Variants in ZNF804A observed in about 807,000 individuals in gnomAD.
ZNF804A encodes the protein zinc finger protein 804A.
In ZNF804A, 2 loss-of-function variants were observed where a neutral mutation model predicts 16.5. The observed-to-expected ratio is 0.12, with a 90% confidence interval of 0.05 to 0.38. The LOEUF (loss-of-function observed/expected upper bound fraction) is 0.38. ZNF804A is among the 10% of genes least tolerant of loss of function. The probability of loss-of-function intolerance (pLI) is 0.99; values close to 1 mark genes in which losing one functional copy is unlikely to be tolerated. For synonymous variants in ZNF804A, 534 were observed against 489.6 expected (o/e 1.09, Z -1.20); for missense variants, 1,473 against 1,390.7 (o/e 1.06, Z -0.94).
chr2:184,766,205 T>C (rs187190764), intron 1 of ZNF804A, among the ~76,000 whole-genome samples: 180 of 152,280 alleles, frequency 1.2e-3, no homozygotes, highest in Middle Eastern at 3.4e-3. Context: ...AATTAATTCA[T>C]TGCTAAATTA....
At chr2:184,621,589 G>A (rs1047552546) in intron 1 of ZNF804A, among the ~76,000 whole-genome samples, 5 of 151,632 alleles carry the variant, frequency 3.3e-5, no homozygotes, top group Admixed American at 6.6e-5. Context: ...CTATGTAGCT[G>A]ATACTCTACT....
At chr2:184,720,675 A>T (rs188724144) in intron 1 of ZNF804A, among the ~76,000 whole-genome samples, 5 of 152,256 alleles carry the variant, frequency 3.3e-5, no homozygotes, top group Admixed American at 6.5e-5. Flanking sequence ...TAAAATGACG[A>T]TACTACCCAA....
In ZNF804A at chr2:184,866,374, T is replaced by C; in HGVS notation, c.117T>C (p.Tyr39=). The C allele has an allele frequency of 6.2e-7, 1 of 1,613,132 alleles. No homozygotes were observed. The highest frequency in any genetic ancestry group is 8.5e-7 in the Non-Finnish European group (1 of 1,179,498). Residue 39 remains tyrosine (Y), a synonymous_variant, in exon 2 of 4, where the codon TAT becomes TAC. Transcript: ENST00000302277. The part of the protein sequence containing the change: ...LSKNGNKTLD[Y]AEKENTIAKA... ...CTTGAAATTTTATTTTTCAGGACTA[T>C]GCTGAGAAGGAAAATACCATAGCAA...
intron 1 of ZNF804A, among the ~76,000 whole-genome samples, chr2:184,823,548 A>G (rs1374709868): frequency 6.6e-6 from 1 of 152,138 alleles, no homozygotes. Flanking sequence ...ATGGCACATG[A>G]TTTATTACTA....
chr2:184,882,236 G>A (rs983252531), intron 2 of ZNF804A, among the ~76,000 whole-genome samples: 3 of 151,914 alleles, frequency 2.0e-5, no homozygotes, highest in Admixed American at 6.6e-5. Context: ...TCAACAAGAT[G>A]ATTACAAGAA....
intron 1 of ZNF804A, among the ~76,000 whole-genome samples, chr2:184,864,740 A>G (rs948666811): frequency 2.6e-5 from 4 of 152,196 alleles, no homozygotes; most frequent in East Asian, 1.9e-4. Flanking sequence ...ATTTCAGACT[A>G]TAAGTCCTTT....
chr2:184,621,579 C>G (rs1238164106), intron 1 of ZNF804A, among the ~76,000 whole-genome samples: 3 of 151,614 alleles, frequency 2.0e-5, no homozygotes, highest in African/African-American at 4.8e-5. Context: ...TTGATTGCCT[C>G]TATGTAGCTG....
At chr2:184,810,429 T>C (rs1694874366) in intron 1 of ZNF804A, among the ~76,000 whole-genome samples, 1 of 151,800 alleles carries the variant, frequency 6.6e-6, no homozygotes, top group Non-Finnish European at 1.5e-5. Context: ...TTGAGAGTCA[T>C]AGTTGATTTT....
At chr2:184,658,492 A>AAAAC (rs201242399) in intron 1 of ZNF804A, among the ~76,000 whole-genome samples, 2,747 of 152,224 alleles carry the variant, frequency 0.018, 56 homozygotes, top group African/African-American at 0.061. Flanking sequence ...CAAAAAACAG[A>AAAAC]AAACAAACAA....
At chr2:184,708,616 A>C (rs909574524) in intron 1 of ZNF804A, among the ~76,000 whole-genome samples, 1 of 152,178 alleles carries the variant, frequency 6.6e-6, no homozygotes, top group African/African-American at 2.4e-5. Flanking sequence ...ATATACAAAT[A>C]CAAATATTAC....
chr2:184,744,318 A>C (rs1693754361), intron 1 of ZNF804A, among the ~76,000 whole-genome samples: 1 of 151,936 alleles, frequency 6.6e-6, no homozygotes, highest in South Asian at 2.1e-4. Context: ...CATAGAATGT[A>C]CTATGGTCTG....
chr2:184,785,552 A>T (rs547224728), intron 1 of ZNF804A, among the ~76,000 whole-genome samples: 1 of 151,984 alleles, frequency 6.6e-6, no homozygotes, highest in Non-Finnish European at 1.5e-5. Flanking sequence ...TTTAAGTTCT[A>T]TGTTAACTTT....
At chr2:184,636,321 T>TGTGTGA (rs1553521509) in intron 1 of ZNF804A, among the ~76,000 whole-genome samples, 6 of 147,636 alleles carry the variant, frequency 4.1e-5, no homozygotes, top group South Asian at 2.1e-4. Context: ...TGTGTGTGTG[T>TGTGTGA]GAGAGAGAGA....
intron 1 of ZNF804A, among the ~76,000 whole-genome samples, chr2:184,843,900 TA>T: frequency 1.3e-5 from 2 of 152,236 alleles, no homozygotes; most frequent in Admixed American, 1.3e-4. Context: ...ATAGTTGGAG[TA>T]ATATCTACCA....
chr2:184,926,979 T>C (rs1685621972), intron 2 of ZNF804A, among the ~76,000 whole-genome samples: 2 of 152,216 alleles, frequency 1.3e-5, no homozygotes, highest in South Asian at 4.1e-4. Flanking sequence ...GAGTCACATA[T>C]GCCTGTTTCT....
At chr2:184,933,848 A>G in intron 3 of ZNF804A, 115 bp downstream of exon 3, 1 of 1,071,510 alleles carries the variant, frequency 9.3e-7, no homozygotes, top group Non-Finnish European at 1.3e-6. Flanking sequence ...AATAAGGCAC[A>G]CATGTTTTCA....
intron 1 of ZNF804A, among the ~76,000 whole-genome samples, chr2:184,674,484 CAA>C (rs1344087194): frequency 6.6e-6 from 1 of 151,666 alleles, no homozygotes; most frequent in African/African-American, 2.4e-5. Context: ...CATAGGGAAT[CAA>C]GAGACAAAAT....
chr2:184,612,005 G>A (rs1483989993), intron 1 of ZNF804A, among the ~76,000 whole-genome samples: 1 of 152,106 alleles, frequency 6.6e-6, no homozygotes, highest in African/African-American at 2.4e-5. Context: ...TGAAGCTGAT[G>A]TTTTTAGGGT....
intron 1 of ZNF804A, among the ~76,000 whole-genome samples, chr2:184,627,227 C>G (rs1322268412): frequency 6.6e-6 from 1 of 151,832 alleles, no homozygotes; most frequent in Non-Finnish European, 1.5e-5. Flanking sequence ...TCTATCTTGA[C>G]TTATTTTATT....
Sources: allele counts gnomAD v4.1 joint callset (sites outside exome capture counted in the v4.1 genomes callset), GRCh38; gene constraint gnomAD v4.1.1; transcripts MANE v1.5; gene names NCBI Gene and HGNC (gene_info 2026-07-23, HGNC 2026-07-21).